The following FADS1 variants were observed in gnomAD, a reference collection of about 807,000 sequenced individuals.
The protein encoded by FADS1 is acyl-CoA (8-3)-desaturase.
A neutral mutation model predicts 61.6 loss-of-function variants in FADS1; 17 were observed. The ratio of observed to expected loss-of-function variants is 0.28; its 90% CI spans 0.19 to 0.41. The LOEUF is 0.41. Among genes scored for constraint, FADS1 ranks in the 10% least tolerant of loss-of-function variants. The pLI is 1.00. For missense variants in FADS1, 387 were observed against 650.9 expected (o/e 0.59, Z 4.41); for synonymous variants, 238 against 258.7 (o/e 0.92, Z 0.77).
intron 6 of FADS1, 132 bp downstream of exon 6, chr11:61,806,532 G>A: frequency 1.3e-6 from 1 of 774,092 alleles, no homozygotes; most frequent in Non-Finnish European, 2.3e-6. Context: ...GGGAGTAACT[G>A]GGGGTGGGAG....
chr11:61,806,537 T>G, intron 6 of FADS1, 127 bp downstream of exon 6: 1 of 796,502 alleles, frequency 1.3e-6, no homozygotes, highest in Non-Finnish European at 2.2e-6. Context: ...TAACTGGGGG[T>G]GGGAGTGGGG....
intron 5 of FADS1, among the ~76,000 whole-genome samples, chr11:61,807,968 G>A (rs902479362): frequency 3.3e-5 from 5 of 152,202 alleles, no homozygotes; most frequent in Non-Finnish European, 7.3e-5. Context: ...AGATGCTTAG[G>A]ATACAGAGGT....
chr11:61,816,262 C>G lies in FADS1; in HGVS notation c.375+293G>C. 6.3e-7 allele frequency: 1 copy of G among 1,598,060 alleles called. No homozygotes were observed. Among genetic ancestry groups the G allele is most frequent in the Non-Finnish European group, 8.5e-7 (1 of 1,179,576 alleles). ...CGGGGTTCTGTCCCCGCCCAGAGAC[C>G]TGAGGCTCGGGGCTGCAGATGGAAT... On this transcript the variant is annotated intron_variant, in intron 1 of 11. Coordinates refer to ENST00000350997, the MANE Select transcript of FADS1 (RefSeq NM_013402.7). This position sits in a 1 kb window ranked among gnomAD's most constrained non-coding sequence, Gnocchi z 7.0.
At position 61,800,467 on chromosome 11, in the gene FADS1, CTT is replaced by C. The variant is rs1156754346; in HGVS notation, c.*1942_*1943del. On this transcript the variant is annotated 3_prime_UTR_variant, in exon 12 of 12. Coordinates refer to ENST00000350997, the MANE Select transcript of FADS1 (RefSeq NM_013402.7). ...CTTCTGCAGCCCATTCTTCCTGTGTCTTTGTGTTGACAAACCTCTAATCTTCC... is the reference window on the plus strand; with the variant it reads ...CTTCTGCAGCCCATTCTTCCTGTGTCTGTGTTGACAAACCTCTAATCTTCC... The C allele has an allele frequency of 6.6e-6, 1 of 152,392 alleles. No homozygotes were observed. Among genetic ancestry groups the C allele is most frequent in the Non-Finnish European group, 1.5e-5 (1 of 68,044 alleles). 9.4% of individuals were successfully genotyped at this position (152,392 alleles called of 1,614,324 possible).
chr11:61,803,982 A>C lies in FADS1; in HGVS notation c.1054-215T>G. On this transcript the variant is annotated intron_variant, in intron 7 of 11. Coordinates refer to ENST00000350997, the MANE Select transcript of FADS1 (RefSeq NM_013402.7). This position sits in a 1 kb window ranked among gnomAD's most constrained non-coding sequence, Gnocchi z 4.3. ...AGCCCTTCTTGCATGTCCCCTTCAA[A>C]AGTACCAAGGCCTACAAGGTCTCTT... is the stretch of plus-strand genomic sequence containing the variant. The C allele has an allele frequency of 1.7e-6, 1 of 580,436 alleles. No homozygotes were observed. Among genetic ancestry groups the C allele is most frequent in the Non-Finnish European group, 3.1e-6 (1 of 325,414 alleles). The allele number at this position is 580,436 out of a possible 1,614,324, so 36.0% of individuals were successfully genotyped here.
intron 3 of FADS1, chr11:61,811,787 C>G (rs546978616): frequency 2.6e-6 from 1 of 384,508 alleles, no homozygotes; most frequent in Non-Finnish European, 5.2e-6. Context: ...CGGGGTTTCA[C>G]CATGTTGGCC....
intron 6 of FADS1, chr11:61,805,118 T>C (rs2066884405): frequency 7.4e-6 from 3 of 407,474 alleles, no homozygotes; most frequent in Non-Finnish European, 8.7e-6. Context: ...ACATACACAC[T>C]CCAAGGATCC....
chr11:61,814,785 A>G (rs1391810990), intron 1 of FADS1: 1 of 152,164 alleles, frequency 6.6e-6, no homozygotes, highest in Non-Finnish European at 1.5e-5. Flanking sequence ...TGATTGGTGC[A>G]TTTTACAAAC....
rs747691584 is a variant in FADS1, at chr11:61,816,255, C to T, written c.375+300G>A. On this transcript the variant is annotated intron_variant, in intron 1 of 11. Coordinates refer to ENST00000350997, the MANE Select transcript of FADS1 (RefSeq NM_013402.7). The surrounding 1 kb of genome is among the most constrained non-coding windows in gnomAD (Gnocchi z 7.0). ...CCCAGCTCGGGGTTCTGTCCCCGCC[C>T]AGAGACCTGAGGCTCGGGGCTGCAG... The T allele has an allele frequency of 1.3e-6, 2 of 1,597,782 alleles. No homozygotes were observed. The highest frequency in any genetic ancestry group is 3.3e-5 in the Admixed American group (2 of 59,994).
In FADS1 at chr11:61,816,021, A is replaced by C; in HGVS notation, c.375+534T>G. 1.8e-6 allele frequency: 1 copy of C among 543,518 alleles called. No individual in the cohort carries two copies. The highest frequency in any genetic ancestry group is 3.3e-5 in the Admixed American group (1 of 30,732). 33.7% of individuals were successfully genotyped at this position (543,518 alleles called of 1,614,324 possible). ...GGGTCCCCAAGGCAGCGGTCTCCCC[A>C]AGCTTCCCGTTTCAGCCCCATCCTC... On this transcript the variant is annotated intron_variant, in intron 1 of 11. Transcript: ENST00000350997. This position sits in a 1 kb window ranked among gnomAD's most constrained non-coding sequence, Gnocchi z 7.0.
In FADS1 at chr11:61,803,459, C is replaced by T. The variant is rs1258720432; in HGVS notation, c.1152G>A (p.Arg384=). The change falls in exon 9 of 12, where the codon AGG becomes AGA. Residue 384 remains arginine (R), a splice_region_variant and synonymous_variant. Transcript: ENST00000350997. The surrounding 1 kb of genome is among the most constrained non-coding windows in gnomAD (Gnocchi z 4.3). ...KAFLGLFFIV[R]FLESNWFVWV... Reference sequence around the variant, plus strand: ...ACACAAACCAGTTGCTTTCCAGGAACCTGTTAGATGTATTACACAGACAAA... The same window carrying T: ...ACACAAACCAGTTGCTTTCCAGGAATCTGTTAGATGTATTACACAGACAAA... 4 of 1,612,690 alleles carry T rather than the reference C, an allele frequency of 2.5e-6. No homozygotes were observed. Among genetic ancestry groups the T allele is most frequent in the South Asian group, 2.2e-5 (2 of 91,054 alleles).
intron 7 of FADS1, chr11:61,804,074 T>G: frequency 2.2e-6 from 1 of 449,836 alleles, no homozygotes; most frequent in Non-Finnish European, 4.1e-6. Context: ...GCCAGGACCA[T>G]GGCTCAGTCC....
intron 5 of FADS1, among the ~76,000 whole-genome samples, chr11:61,807,943 G>T (rs1038870427): frequency 6.6e-6 from 1 of 152,232 alleles, no homozygotes; most frequent in African/African-American, 2.4e-5. Context: ...CCTACTGTGT[G>T]CCGGGCTATG....
At position 61,801,626 on chromosome 11, in the gene FADS1, C is replaced by T. The variant is rs185954532; in HGVS notation, c.*785G>A. On this transcript the variant is annotated 3_prime_UTR_variant, in exon 12 of 12. Transcript: ENST00000350997. The stretch of plus-strand genomic sequence containing the variant: ...ACCACAGTCTTGACCTTTGCCCTGC[C>T]TGCTTCTGAAACTGGAGAATGGCAT... The T allele has an allele frequency of 6.6e-6, 1 of 152,408 alleles. No individual in the cohort carries two copies. The highest frequency in any genetic ancestry group is 1.9e-4 in the East Asian group (1 of 5,338). The allele number at this position is 152,408 out of a possible 1,614,324, so 9.4% of individuals were successfully genotyped here. A position where few individuals can be genotyped will look rare whatever the true frequency, so the allele number is the denominator to read the frequency against.
intron 2 of FADS1, 37 bp from the exon 3 acceptor site, chr11:61,812,705 C>CT: frequency 6.3e-7 from 1 of 1,578,850 alleles, no homozygotes; most frequent in Non-Finnish European, 8.6e-7. Flanking sequence ...TTCTTCTCAT[C>CT]TGCACCCCAA....
Position 61,816,015 on chromosome 11 carries a change from C to T in FADS1, c.375+540G>A, listed in dbSNP as rs1383011924. On this transcript the variant is annotated intron_variant, in intron 1 of 11. Transcript: ENST00000350997. The surrounding 1 kb of genome is among the most constrained non-coding windows in gnomAD (Gnocchi z 7.0). The stretch of plus-strand genomic sequence containing the variant: ...ACGCAGGGGTCCCCAAGGCAGCGGT[C>T]TCCCCAAGCTTCCCGTTTCAGCCCC... The T allele has an allele frequency of 3.7e-6, 2 of 536,084 alleles. No homozygotes were observed. The highest frequency in any genetic ancestry group is 1.9e-5 in the African/African-American group (1 of 52,628). 33.2% of individuals were successfully genotyped at this position (536,084 alleles called of 1,614,324 possible). A position where few individuals can be genotyped will look rare whatever the true frequency, so the allele number is the denominator to read the frequency against.
At chr11:61,807,453 C>T (rs910129025) in intron 5 of FADS1, among the ~76,000 whole-genome samples, 1 of 152,228 alleles carries the variant, frequency 6.6e-6, no homozygotes, top group African/African-American at 2.4e-5. Flanking sequence ...TATCCAGCCC[C>T]TAATTCTCCC....
intron 3 of FADS1, chr11:61,812,104 A>C (rs1198721916): frequency 3.0e-6 from 1 of 337,108 alleles, no homozygotes; most frequent in Non-Finnish European, 5.7e-6. Context: ...CTGACAGTCA[A>C]GAATTAGCGC....
At position 61,816,934 on chromosome 11, in the gene FADS1, C is replaced by T; in HGVS notation, c.-5G>A. 1 of 1,384,334 alleles carries T rather than the reference C, an allele frequency of 7.2e-7. No homozygotes were observed. The highest frequency in any genetic ancestry group is 9.3e-7 in the Non-Finnish European group (1 of 1,078,264). 85.8% of individuals were successfully genotyped at this position (1,384,334 alleles called of 1,614,324 possible). On this transcript the variant is annotated 5_prime_UTR_variant, in exon 1 of 12. Coordinates refer to ENST00000350997, the MANE Select transcript of FADS1 (RefSeq NM_013402.7). This position sits in a 1 kb window ranked among gnomAD's most constrained non-coding sequence, Gnocchi z 7.0. ...CCTCGCAGCGCGCGTTCCCATTGGC[C>T]GAGCCTCGTGGCGCGGGGAGCGAGA...
Sources: allele counts gnomAD v4.1 joint callset (sites outside exome capture counted in the v4.1 genomes callset), GRCh38; gene constraint gnomAD v4.1.1; non-coding constraint Gnocchi (gnomAD v3.1); transcripts MANE v1.5; gene names NCBI Gene and HGNC (gene_info 2026-07-23, HGNC 2026-07-21).